SPRY3: variants seen among roughly 807,000 people sequenced by gnomAD.
SPRY3 encodes protein sprouty homolog 3.
SPRY3 carries 15 observed loss-of-function variants against 20.2 expected under a neutral mutation model. The ratio of observed to expected loss-of-function variants is 0.74; its 90% confidence interval spans 0.50 to 1.14. The LOEUF (loss-of-function observed/expected upper bound fraction) is 1.14. Ranked by LOEUF, SPRY3 falls within the 50% of genes most tolerant of loss-of-function variation. SPRY3 has a pLI of 0.00. For missense variants in SPRY3, 364 were observed against 363.9 expected (o/e 1.00, Z 0.00); for synonymous variants, 143 against 136.5 (o/e 1.05, Z -0.33).
At chrX:155,623,300 A>G (rs969681404) in intron 1 of SPRY3, among the ~76,000 whole-genome samples, 3 of 112,008 alleles carry the variant, frequency 2.7e-5, no homozygotes, top group Non-Finnish European at 5.6e-5. Context: ...ATTGCTTCTT[A>G]GAATCATTTT....
rs1043165131 is a variant in SPRY3, at chrX:155,652,640, G to C, written c.-440-4227G>C. Among the ~76,000 whole-genome samples, 17 of 111,776 alleles carry C rather than the reference G, an allele frequency of 1.5e-4. No individual in the cohort carries two copies. The Admixed American group carries it at 1.6e-3, about 11-fold the overall frequency. On this transcript the variant is annotated intron_variant, in intron 1 of 3. Transcript: ENST00000675360. ...TACATTTATCTATTAAGGGACACTC[G>C]GGTTGTTACCACTGTTGGGCTACTG...
chrX:155,648,566 C>T (rs2067965583), intron 1 of SPRY3, among the ~76,000 whole-genome samples: 1 of 112,232 alleles, frequency 8.9e-6, no homozygotes, highest in Admixed American at 9.4e-5. Flanking sequence ...ATCCTTTCCC[C>T]ATTGCTTGTT....
intron 2 of SPRY3, among the ~76,000 whole-genome samples, chrX:155,721,728 A>C (rs1176068556): frequency 2.6e-5 from 4 of 152,160 alleles, no homozygotes; most frequent in Non-Finnish European, 5.9e-5. Flanking sequence ...TCGAACATGA[A>C]GGAGAAATAA....
At chrX:155,743,627 C>T (rs549152221) in intron 2 of SPRY3, among the ~76,000 whole-genome samples, 3 of 152,114 alleles carry the variant, frequency 2.0e-5, no homozygotes, top group East Asian at 3.9e-4. Context: ...AGAAAGTTAT[C>T]GAGAACCTTT....
chrX:155,659,012 C>T (rs1479496090), intron 2 of SPRY3, among the ~76,000 whole-genome samples: 1 of 111,309 alleles, frequency 9.0e-6, no homozygotes, highest in Non-Finnish European at 1.9e-5. Flanking sequence ...TTGAACCACC[C>T]TTGTATCCCT....
intron 2 of SPRY3, among the ~76,000 whole-genome samples, chrX:155,713,228 A>T (rs2090999324): frequency 6.6e-6 from 1 of 152,060 alleles, no homozygotes; most frequent in Non-Finnish European, 1.5e-5. Context: ...TATGTAAGTT[A>T]AGAGAAGCTT....
chrX:155,673,965 A>G (rs1557355045), intron 2 of SPRY3, among the ~76,000 whole-genome samples: 1 of 111,607 alleles, frequency 9.0e-6, no homozygotes, highest in East Asian at 2.8e-4. Flanking sequence ...TCTAGATTCT[A>G]TAGGTGTTTT....
chrX:155,768,229 G>C (rs1451660450), intron 3 of SPRY3, 93 bp downstream of exon 2: 3 of 110 alleles, frequency 0.027, no homozygotes, highest in African/African-American at 0.045. Context: ...TGCTGTCTCT[G>C]TGTGCGTGTG....
intron 2 of SPRY3, among the ~76,000 whole-genome samples, chrX:155,741,129 C>T (rs939826342): frequency 4.6e-5 from 7 of 152,128 alleles, no homozygotes; most frequent in Non-Finnish European, 1.0e-4. Context: ...AGCTGATAAC[C>T]AGGATAGCCA....
chrX:155,635,445 C>T (rs1264793858), intron 1 of SPRY3, among the ~76,000 whole-genome samples: 1 of 111,142 alleles, frequency 9.0e-6, no homozygotes, highest in African/African-American at 3.3e-5. Context: ...AGTTCTAGAT[C>T]CTTGAGGACT....
rs2068096629 is a variant in SPRY3, at chrX:155,689,186, C to A, written c.-282+32161C>A. 2.3e-5 allele frequency among the ~76,000 whole-genome samples: 2 copies of A among 87,401 alleles called. 1 individual carries two copies. Among genetic ancestry groups the A allele is most frequent in the East Asian group, 6.7e-4 (2 of 2,984 alleles). 75.9% of individuals were successfully genotyped at this position (87,401 alleles called of 115,157 possible). A position where few individuals can be genotyped will look rare whatever the true frequency, so the allele number is the denominator to read the frequency against. On this transcript the variant is annotated intron_variant, in intron 2 of 3. Coordinates refer to ENST00000675360, the Ensembl canonical transcript of SPRY3. The stretch of plus-strand genomic sequence containing the variant: ...TTTCATCATGAAATCTTTGCCCATG[C>A]CTATGTTCTGAATGGTACTGCCTAG...
Position 155,774,673 on chromosome X carries a change from ACTGTGTGCAGAAAGAT to A in SPRY3, c.805_820del (p.Val269LeufsTer45). The A allele has an allele frequency of 6.2e-7, 1 of 1,613,872 alleles. No homozygotes were observed. The highest frequency in any genetic ancestry group is 8.5e-7 in the Non-Finnish European group (1 of 1,179,782). ...CTGCCGCTGCAAGAGGCACACCAAC[ACTGTGTGCAGAAAGAT>A]CTCTTCTGGTAGTGCACCCTTCCCC... is the stretch of plus-strand genomic sequence containing the variant. On this transcript the variant is annotated frameshift_variant, in exon 4 of 4. Coordinates refer to ENST00000675360, the Ensembl canonical transcript of SPRY3. LOFTEE classifies it high-confidence loss of function.
exon 4 of SPRY3, chrX:155,774,010 C>G (rs1424350340): frequency 1.9e-6 from 3 of 1,613,948 alleles, no homozygotes; most frequent in Non-Finnish European, 2.5e-6. Flanking sequence ...CCTTATTGTG[C>G]AAACCCACAA....
downstream of SPRY3, chrX:155,781,759 G>C: frequency 6.0e-6 from 1 of 167,018 alleles, no homozygotes; most frequent in East Asian, 1.9e-4. Context: ...ATATATGTGG[G>C]GCTAAGTCTC....
intron 2 of SPRY3, among the ~76,000 whole-genome samples, chrX:155,659,899 TA>T (rs1264646628): frequency 8.9e-6 from 1 of 112,288 alleles, no homozygotes; most frequent in African/African-American, 3.2e-5. Flanking sequence ...TGATTGTCCT[TA>T]TTTGTATCTT....
chrX:155,736,898 C>T (rs1445781696), intron 2 of SPRY3, among the ~76,000 whole-genome samples: 1 of 151,892 alleles, frequency 6.6e-6, no homozygotes, highest in Non-Finnish European at 1.5e-5. Context: ...TTTTTCTCTT[C>T]GATTTTCAGC....
chrX:155,751,157 G>T (rs1223147322), intron 2 of SPRY3, among the ~76,000 whole-genome samples: 1 of 151,808 alleles, frequency 6.6e-6, no homozygotes, highest in African/African-American at 2.4e-5. Flanking sequence ...GGAAAAGATG[G>T]CTTGAAAAGG....
intron 1 of SPRY3, among the ~76,000 whole-genome samples, chrX:155,627,714 C>A (rs2067892752): frequency 9.1e-6 from 1 of 110,243 alleles, no homozygotes; most frequent in African/African-American, 3.3e-5. Context: ...AGGTTTGTTA[C>A]ATAGGTAAAT....
intron 2 of SPRY3, among the ~76,000 whole-genome samples, chrX:155,714,035 G>T (rs2091004650): frequency 6.6e-6 from 1 of 151,950 alleles, no homozygotes; most frequent in Non-Finnish European, 1.5e-5. Flanking sequence ...TAGAATTTTT[G>T]CTTGATTCTT....
Sources: allele counts gnomAD v4.1 joint callset (sites outside exome capture counted in the v4.1 genomes callset), GRCh38; gene constraint gnomAD v4.1.1; transcripts MANE v1.5; gene names NCBI Gene and HGNC (gene_info 2026-07-23, HGNC 2026-07-21).